Variants in ADCY2 observed in about 807,000 individuals in gnomAD.
The protein encoded by ADCY2 is adenylate cyclase 2, also known as adenylate cyclase type 2.
ADCY2 carries 31 observed loss-of-function variants against 125.2 expected under a neutral mutation model. That is an observed-to-expected ratio of 0.25 (90% CI 0.19 to 0.33). The LOEUF (loss-of-function observed/expected upper bound fraction) is 0.33. Among genes scored for constraint, ADCY2 ranks in the 10% least tolerant of loss-of-function variants. The probability of loss-of-function intolerance (pLI) is 1.00; values close to 1 mark genes in which losing one functional copy is unlikely to be tolerated. For synonymous variants in ADCY2, 512 were observed against 548.4 expected (o/e 0.93, Z 0.93); for missense variants, 904 against 1,418.2 (o/e 0.64, Z 5.82).
chr5:7,483,558 A>G lies in ADCY2; in HGVS notation c.409-37180A>G, dbSNP rs73737399. On this transcript the variant is annotated intron_variant, in intron 2 of 24. Coordinates refer to ENST00000338316, the MANE Select transcript of ADCY2 (RefSeq NM_020546.3). ...ACAAATTAAAGTAATATATTTTGAA[A>G]GCTTCTTCACATTAAGACTTTTTTG... Among the ~76,000 whole-genome samples, 1,021 of 152,340 alleles carry G rather than the reference A, an allele frequency of 6.7e-3. 4 individuals are homozygous for G. The highest frequency in any genetic ancestry group is 0.024 in the Middle Eastern group (7 of 294).
intron 15 of ADCY2, among the ~76,000 whole-genome samples, chr5:7,749,357 A>G (rs1388403658): frequency 6.6e-6 from 1 of 152,202 alleles, no homozygotes; most frequent in Non-Finnish European, 1.5e-5. Flanking sequence ...ATACTTTACA[A>G]AATGTTTTAT....
At chr5:7,646,214 A>G (rs1184177604) in intron 4 of ADCY2, among the ~76,000 whole-genome samples, 1 of 152,100 alleles carries the variant, frequency 6.6e-6, no homozygotes, top group Non-Finnish European at 1.5e-5. Context: ...ACTGTTAATT[A>G]AAACAGCAAG....
intron 19 of ADCY2, among the ~76,000 whole-genome samples, chr5:7,788,094 G>A (rs982636204): frequency 6.6e-6 from 1 of 152,030 alleles, no homozygotes; most frequent in Non-Finnish European, 1.5e-5. Context: ...TCTAGTCAAT[G>A]TAGAGCATAA....
chr5:7,538,947 T>C (rs1287929039), intron 3 of ADCY2, among the ~76,000 whole-genome samples: 1 of 146,250 alleles, frequency 6.8e-6, no homozygotes, highest in African/African-American at 2.5e-5. Context: ...CACTGCAACC[T>C]CTGCCTCCCG....
intron 2 of ADCY2, among the ~76,000 whole-genome samples, chr5:7,487,379 T>C (rs994614880): frequency 1.3e-5 from 2 of 152,178 alleles, no homozygotes; most frequent in Admixed American, 1.3e-4. Flanking sequence ...CCAATGCCGT[T>C]TGTTATCATA....
At chr5:7,810,043 T>G (rs1744883363) in intron 22 of ADCY2, among the ~76,000 whole-genome samples, 1 of 152,238 alleles carries the variant, frequency 6.6e-6, no homozygotes, top group South Asian at 2.1e-4. Flanking sequence ...CGTTTTGCCC[T>G]CAAGACCTCA....
At chr5:7,646,615 A>G (rs1474486587) in intron 4 of ADCY2, among the ~76,000 whole-genome samples, 3 of 152,124 alleles carry the variant, frequency 2.0e-5, no homozygotes, top group African/African-American at 7.2e-5. Context: ...TCTTCCGTCT[A>G]TGTGCAATGA....
chr5:7,810,476 G>C (rs1346006180), intron 22 of ADCY2, among the ~76,000 whole-genome samples: 1 of 151,704 alleles, frequency 6.6e-6, no homozygotes, highest in Admixed American at 6.6e-5. Context: ...TTGATTAGTG[G>C]GTTATCTACC....
intron 2 of ADCY2, among the ~76,000 whole-genome samples, chr5:7,441,933 C>T (rs75775128): frequency 0.011 from 1,635 of 152,228 alleles, 38 homozygotes; most frequent in African/African-American, 0.038. Context: ...AGCCCGCCCT[C>T]GTCATGTTAG....
At chr5:7,766,529 T>C (rs1056002133) in intron 16 of ADCY2, among the ~76,000 whole-genome samples, 158 bp from the exon 17 acceptor site, 41 of 152,224 alleles carry the variant, frequency 2.7e-4, no homozygotes, top group Non-Finnish European at 1.2e-4. Context: ...TATAGAACAA[T>C]AAATTGTTAA....
At chr5:7,546,046 T>C (rs1735137285) in intron 3 of ADCY2, among the ~76,000 whole-genome samples, 1 of 152,194 alleles carries the variant, frequency 6.6e-6, no homozygotes, top group South Asian at 2.1e-4. Context: ...AAAGATAAGC[T>C]TCTTCCCTCC....
At chr5:7,746,802 A>C (rs1742639053) in intron 15 of ADCY2, among the ~76,000 whole-genome samples, 1 of 152,262 alleles carries the variant, frequency 6.6e-6, no homozygotes, top group Non-Finnish European at 1.5e-5. Flanking sequence ...CATAAAATGT[A>C]ATACTTCATA....
intron 12 of ADCY2, among the ~76,000 whole-genome samples, chr5:7,720,758 G>C (rs1182748905): frequency 6.6e-6 from 1 of 152,116 alleles, no homozygotes; most frequent in African/African-American, 2.4e-5. Context: ...AGTATTCCAT[G>C]GTGTATATGT....
chr5:7,667,538 C>T (rs143958567), intron 4 of ADCY2, among the ~76,000 whole-genome samples: 21 of 152,254 alleles, frequency 1.4e-4, no homozygotes, highest in African/African-American at 4.8e-4. Context: ...CTTCCAAGCT[C>T]ATAAAATAAC....
At chr5:7,666,317 G>A (rs1008796742) in intron 4 of ADCY2, among the ~76,000 whole-genome samples, 1 of 151,868 alleles carries the variant, frequency 6.6e-6, no homozygotes, top group Non-Finnish European at 1.5e-5. Context: ...CACCCAGGCT[G>A]GAGTGCAGTG....
rs577232316 is a variant in ADCY2, at chr5:7,817,217, G to A, written c.2998+237G>A. Among the ~76,000 whole-genome samples the A allele has an allele frequency of 3.2e-4, 48 of 152,096 alleles. 1 individual carries two copies. The highest frequency in any genetic ancestry group is 9.6e-5 in the African/African-American group (4 of 41,522). ...AAGGTCGCGTCTACAAACACGGCAC[G>A]CACAGCCTTGAGCCATCCTGCGTTG... On this transcript the variant is annotated intron_variant, in intron 23 of 24. Transcript: ENST00000338316.
chr5:7,616,752 G>A (rs1268953028), intron 3 of ADCY2, among the ~76,000 whole-genome samples: 1 of 152,158 alleles, frequency 6.6e-6, no homozygotes, highest in Non-Finnish European at 1.5e-5. Flanking sequence ...ACTGAATTGT[G>A]TTCCCTCAAA....
At chr5:7,812,621 G>T (rs1744980827) in intron 22 of ADCY2, among the ~76,000 whole-genome samples, 1 of 152,154 alleles carries the variant, frequency 6.6e-6, no homozygotes, top group South Asian at 2.1e-4. Flanking sequence ...ATGAGGTAGG[G>T]AGTTGGCTGG....
chr5:7,511,419 C>A (rs1744054139), intron 2 of ADCY2, among the ~76,000 whole-genome samples: 1 of 151,732 alleles, frequency 6.6e-6, no homozygotes, highest in South Asian at 2.1e-4. Flanking sequence ...ACTAAAAATA[C>A]AAAAAATTAG....
Sources: gnomAD v4.1 joint callset for allele counts (sites outside exome capture counted in the v4.1 genomes callset) on GRCh38, gnomAD v4.1.1 for gene constraint, MANE v1.5 for transcripts, NCBI Gene and HGNC (gene_info 2026-07-23, HGNC 2026-07-21) for gene names.